The following AMZ1 variants were observed in gnomAD, a reference collection of about 807,000 sequenced individuals.
AMZ1 encodes the protein archaemetzincin-1.
Under a neutral mutation model 29.9 loss-of-function variants are expected in AMZ1, and 39 were observed. The ratio of observed to expected loss-of-function variants is 1.30; its 90% CI spans 1.01 to 1.70. AMZ1 has a LOEUF of 1.70. Among genes scored for constraint, AMZ1 ranks in the 40% most tolerant of loss-of-function variants. The pLI is 0.00. For missense variants in AMZ1, 1,041 were observed against 680.6 expected, an observed-to-expected ratio of 1.53 and a Z score of -5.89; for synonymous variants, 458 against 304.0, an observed-to-expected ratio of 1.51 and a Z score of -5.27.
At position 2,750,925 on chromosome 7, in the gene AMZ1, C is replaced by T. The variant is rs7791837; in HGVS notation, n.551-13787C>T. ...AAAGGTGGACAGATGGGAACAGAAG[C>T]GAGAGATATGCACACTCCAGGAGTG... On this transcript the variant is annotated intron_variant and non_coding_transcript_variant, in intron 4 of 4. Transcript: ENST00000489665. Among the ~76,000 whole-genome samples, 402 of 152,146 alleles carry T rather than the reference C, an allele frequency of 2.6e-3. 1 individual carries two copies. Among genetic ancestry groups the T allele is most frequent in the African/African-American group, 9.3e-3 (384 of 41,512 alleles).
chr7:2,694,018 G>T (rs572165102), intron 1 of AMZ1, among the ~76,000 whole-genome samples: 1 of 152,200 alleles, frequency 6.6e-6, no homozygotes, highest in Non-Finnish European at 1.5e-5. Context: ...ACAGGGCCCA[G>T]CACCCAGGAA....
upstream of AMZ1, among the ~76,000 whole-genome samples, chr7:2,685,162 C>T (rs367760732): frequency 1.3e-5 from 2 of 151,898 alleles, no homozygotes; most frequent in African/African-American, 4.8e-5. Flanking sequence ...GCCGCCGCGC[C>T]CGGCCTCGAT....
chr7:2,709,879 G>T (rs1386742481), intron 6 of AMZ1, 63 bp downstream of exon 6: 13 of 1,582,952 alleles, frequency 8.2e-6, no homozygotes, highest in Non-Finnish European at 1.0e-5. Flanking sequence ...CGCGAGCGCC[G>T]CCTGGAGGCT....
At position 2,692,291 on chromosome 7, in the gene AMZ1, A is replaced by C. The variant is rs941716917; in HGVS notation, c.-219+3995A>C. ...CGTGGTGGCTCACGCCTGTAATCCC[A>C]ACACTCTGGGAGGCCGAGGCGGGCG... On this transcript the variant is annotated intron_variant, in intron 1 of 6. Transcript: ENST00000683327. Among the ~76,000 whole-genome samples, 8 of 152,284 alleles carry C rather than the reference A, an allele frequency of 5.3e-5. No homozygotes were observed. The East Asian group carries it at 1.5e-3, about 29-fold the overall frequency.
At chr7:2,709,853 C>G (rs201929124) in intron 6 of AMZ1, 37 bp downstream of exon 6, 12 of 1,604,042 alleles carry the variant, frequency 7.5e-6, no homozygotes, top group African/African-American at 2.7e-5. Flanking sequence ...CTGCTGGGAC[C>G]TGCGCTCCGG....
chr7:2,684,059 T>G (rs1786983076), upstream of AMZ1, among the ~76,000 whole-genome samples: 2 of 151,852 alleles, frequency 1.3e-5, no homozygotes, highest in East Asian at 3.9e-4. Context: ...GCGCCTATAA[T>G]CCCAGCTACT....
intron 3 of AMZ1, among the ~76,000 whole-genome samples, chr7:2,704,654 TG>T (rs1381652338): frequency 7.2e-6 from 1 of 139,226 alleles, no homozygotes; most frequent in African/African-American, 2.8e-5. Flanking sequence ...TGGAGTGCAG[TG>T]GCATGATCTT....
intron 4 of AMZ1, among the ~76,000 whole-genome samples, chr7:2,746,575 T>C (rs1423738352): frequency 4.0e-5 from 6 of 151,748 alleles, no homozygotes; most frequent in African/African-American, 1.2e-4. Flanking sequence ...AGGAAAAATC[T>C]AAAATTGACA....
intron 2 of AMZ1, chr7:2,702,171 C>T (rs1788091092): frequency 6.5e-6 from 1 of 153,548 alleles, no homozygotes; most frequent in African/African-American, 2.4e-5. Context: ...CCTTCAGGGG[C>T]TGCCCTGGGA....
chr7:2,691,528 G>C (rs1787385772), intron 1 of AMZ1, among the ~76,000 whole-genome samples: 1 of 148,548 alleles, frequency 6.7e-6, no homozygotes. Flanking sequence ...GGATCACAAG[G>C]TCAGGAGTCT....
At chr7:2,761,239 C>T (rs369965045), upstream of AMZ1, among the ~76,000 whole-genome samples, 31 of 152,294 alleles carry the variant, frequency 2.0e-4, no homozygotes, top group East Asian at 3.9e-3. Context: ...ACCTCCCGGC[C>T]GTGGATGGCA....
At chr7:2,710,872 C>T (rs540259117) in intron 6 of AMZ1, among the ~76,000 whole-genome samples, 4 of 152,358 alleles carry the variant, frequency 2.6e-5, no homozygotes, top group Admixed American at 2.0e-4. Flanking sequence ...GTAAAGGTTG[C>T]TGCTGCCAGC....
upstream of AMZ1, among the ~76,000 whole-genome samples, chr7:2,684,695 C>G (rs1371666750): frequency 6.6e-6 from 1 of 152,100 alleles, no homozygotes; most frequent in African/African-American, 2.4e-5. Flanking sequence ...GAAGCCTTGG[C>G]TGGCAGGGGC....
chr7:2,685,445 C>T (rs1383082649), upstream of AMZ1, among the ~76,000 whole-genome samples: 2 of 151,710 alleles, frequency 1.3e-5, no homozygotes, highest in African/African-American at 4.8e-5. Context: ...GTAATCGCAG[C>T]TACTTGGGTG....
At chr7:2,699,816 G>T (rs1055837890) in intron 1 of AMZ1, among the ~76,000 whole-genome samples, 1 of 151,858 alleles carries the variant, frequency 6.6e-6, no homozygotes, top group Non-Finnish European at 1.5e-5. Flanking sequence ...AGGGGAGGAG[G>T]TCTCTCTTCC....
intron 4 of AMZ1, among the ~76,000 whole-genome samples, chr7:2,751,235 A>G (rs1325468301): frequency 1.3e-5 from 2 of 151,954 alleles, no homozygotes; most frequent in African/African-American, 4.8e-5. Flanking sequence ...AAAACCCCAA[A>G]GTTAGCCGAG....
intron 1 of AMZ1, among the ~76,000 whole-genome samples, chr7:2,682,871 T>C (rs1307198075): frequency 6.6e-6 from 1 of 152,184 alleles, no homozygotes; most frequent in Non-Finnish European, 1.5e-5. Context: ...GCTCGCACGG[T>C]TCCTTCCACC....
At chr7:2,696,476 C>T (rs535947744) in intron 1 of AMZ1, among the ~76,000 whole-genome samples, 2 of 149,334 alleles carry the variant, frequency 1.3e-5, no homozygotes, top group Non-Finnish European at 3.0e-5. Context: ...CCAGGATGGT[C>T]TCGATCTCCT....
In AMZ1 at chr7:2,715,000, C is replaced by T. The variant is rs1311669098; in HGVS notation, c.*2122C>T. ...TTTGCATGGCTTCTAAAGGGCATGA[C>T]AGTGACCTGGGAGGTAACTGTGCCA... is the stretch of plus-strand genomic sequence containing the variant. On this transcript the variant is annotated 3_prime_UTR_variant, in exon 7 of 7. Coordinates refer to ENST00000683327, the MANE Select transcript of AMZ1 (RefSeq NM_001384743.1). The T allele has an allele frequency of 6.6e-6, 1 of 152,302 alleles. No homozygotes were observed. Among genetic ancestry groups the T allele is most frequent in the East Asian group, 1.9e-4 (1 of 5,330 alleles). 9.4% of individuals were successfully genotyped at this position (152,302 alleles called of 1,614,324 possible).
Sources: allele counts gnomAD v4.1 joint callset (sites outside exome capture counted in the v4.1 genomes callset), GRCh38; gene constraint gnomAD v4.1.1; transcripts MANE v1.5; gene names NCBI Gene and HGNC (gene_info 2026-07-23, HGNC 2026-07-21).